The following NFIA variants were observed in gnomAD, a reference collection of about 807,000 sequenced individuals.
NFIA encodes nuclear factor 1 A-type.
Under a neutral mutation model 62.8 loss-of-function variants are expected in NFIA, and 8 were observed. That is an observed-to-expected ratio of 0.13 (90% CI 0.07 to 0.23). The LOEUF is 0.23. NFIA is among the 10% of genes least tolerant of loss of function. The pLI is 1.00. For synonymous variants in NFIA, 235 were observed against 238.1 expected, an observed-to-expected ratio of 0.99 and a Z score of 0.12; for missense variants, 410 against 642.1, an observed-to-expected ratio of 0.64 and a Z score of 3.91.
Position 61,082,783 on chromosome 1 carries a change from C to T in NFIA, c.-9C>T. On this transcript the variant is annotated 5_prime_UTR_variant, in exon 1 of 11. Coordinates refer to ENST00000403491, the MANE Select transcript of NFIA (RefSeq NM_001134673.4). ...CAGACGCACACGCATACCCCAGCGC[C>T]CGGCAGTTATGTATTCTCCGCTCTG... 1 of 1,552,922 alleles carries T rather than the reference C, an allele frequency of 6.4e-7. No homozygotes were observed. The highest frequency in any genetic ancestry group is 8.7e-7 in the Non-Finnish European group (1 of 1,147,674).
intron 2 of NFIA, among the ~76,000 whole-genome samples, chr1:61,169,801 T>G (rs187453665): frequency 1.6e-4 from 24 of 152,316 alleles, no homozygotes; most frequent in African/African-American, 4.3e-4. Context: ...GTGTTCTCTG[T>G]GAATCCTGGC....
upstream of NFIA, among the ~76,000 whole-genome samples, chr1:61,081,427 G>C (rs1401224584): frequency 6.6e-6 from 1 of 152,082 alleles, no homozygotes; most frequent in Non-Finnish European, 1.5e-5. Flanking sequence ...TTCTTAAAAG[G>C]CACCCTTCCA....
intron 6 of NFIA, among the ~76,000 whole-genome samples, chr1:61,363,968 A>G (rs1275622423): frequency 4.1e-5 from 6 of 145,126 alleles, no homozygotes; most frequent in Non-Finnish European, 9.0e-5. Flanking sequence ...TTTTTCTGAG[A>G]CAGAGTCTTG....
chr1:61,117,509 G>GAA (rs11455772), intron 2 of NFIA, among the ~76,000 whole-genome samples: 37 of 151,030 alleles, frequency 2.4e-4, no homozygotes, highest in Non-Finnish European at 3.5e-4. Flanking sequence ...TTAAGAACAG[G>GAA]AAAAAAAAAT....
At chr1:61,392,123 C>T (rs1159846443) in intron 7 of NFIA, among the ~76,000 whole-genome samples, 2 of 152,086 alleles carry the variant, frequency 1.3e-5, no homozygotes, top group African/African-American at 4.8e-5. Context: ...TTGTGAGCCT[C>T]GTTCAGGGTT....
At chr1:61,082,873 C>CTGGGGCTGGG in intron 1 of NFIA, 55 bp downstream of exon 1, 3 of 929,832 alleles carry the variant, frequency 3.2e-6, no homozygotes, top group Non-Finnish European at 4.8e-6. Context: ...GGGGGCAGGG[C>CTGGGGCTGGG]TGGGGCTGGG....
intron 7 of NFIA, among the ~76,000 whole-genome samples, chr1:61,390,085 G>T (rs1664894475): frequency 6.6e-6 from 1 of 152,188 alleles, no homozygotes; most frequent in African/African-American, 2.4e-5. Flanking sequence ...TGCTGTGCTA[G>T]AAGCACAGGG....
chr1:61,120,692 GT>G (rs1334494518), intron 2 of NFIA, among the ~76,000 whole-genome samples: 1 of 152,184 alleles, frequency 6.6e-6, no homozygotes, highest in African/African-American at 2.4e-5. Context: ...GCCTTCTACA[GT>G]TTGCATTTTG....
intron 3 of NFIA, among the ~76,000 whole-genome samples, chr1:61,295,186 A>G (rs140300268): frequency 2.6e-5 from 4 of 152,304 alleles, no homozygotes; most frequent in African/African-American, 9.6e-5. Flanking sequence ...TCTGACAGAA[A>G]ATTGTATACG....
chr1:61,167,300 T>A (rs2100544534), intron 2 of NFIA, among the ~76,000 whole-genome samples: 1 of 152,320 alleles, frequency 6.6e-6, no homozygotes. Context: ...ATTTGGAGTA[T>A]GTTTTGGAAA....
intron 2 of NFIA, among the ~76,000 whole-genome samples, chr1:61,165,640 G>A (rs548648538): frequency 6.6e-6 from 1 of 152,154 alleles, no homozygotes; most frequent in Non-Finnish European, 1.5e-5. Flanking sequence ...ACAAATTCAG[G>A]AAGTCATCAC....
chr1:61,402,913 G>C (rs981318757), intron 7 of NFIA, among the ~76,000 whole-genome samples: 2 of 152,144 alleles, frequency 1.3e-5, no homozygotes, highest in Non-Finnish European at 2.9e-5. Flanking sequence ...TCCCGGTAGG[G>C]AACAAAGAAC....
chr1:61,191,771 T>A (rs923006995), intron 2 of NFIA, among the ~76,000 whole-genome samples: 2 of 152,162 alleles, frequency 1.3e-5, no homozygotes, highest in African/African-American at 4.8e-5. Context: ...GATCTGCTTT[T>A]TTCCCCCCAC....
At chr1:61,203,841 G>A (rs769202427) in intron 2 of NFIA, among the ~76,000 whole-genome samples, 48 of 152,248 alleles carry the variant, frequency 3.2e-4, no homozygotes, top group Admixed American at 9.2e-4. Context: ...AGTAGGAGCC[G>A]GCCTTTGAGT....
At chr1:61,331,855 C>T (rs1179692035) in intron 3 of NFIA, among the ~76,000 whole-genome samples, 9 of 152,080 alleles carry the variant, frequency 5.9e-5, no homozygotes, top group African/African-American at 1.4e-4. Context: ...AAACAAAGTT[C>T]GAAGATTAAT....
At chr1:61,315,386 T>A (rs1223977526) in intron 3 of NFIA, among the ~76,000 whole-genome samples, 1 of 152,214 alleles carries the variant, frequency 6.6e-6, no homozygotes, top group East Asian at 1.9e-4. Flanking sequence ...ACATATATGT[T>A]TGTGTATACA....
chr1:61,198,524 G>A (rs762292290), intron 2 of NFIA, among the ~76,000 whole-genome samples: 2 of 152,194 alleles, frequency 1.3e-5, no homozygotes, highest in Non-Finnish European at 2.9e-5. Context: ...TGGCTGTATT[G>A]TTTTGAATGT....
chr1:61,235,288 C>G (rs1353192261), intron 2 of NFIA, among the ~76,000 whole-genome samples: 1 of 151,832 alleles, frequency 6.6e-6, no homozygotes, highest in East Asian at 1.9e-4. Flanking sequence ...CGGTGAAACC[C>G]CGTCTCTACT....
intron 3 of NFIA, among the ~76,000 whole-genome samples, chr1:61,293,499 T>C (rs553159506): frequency 6.6e-6 from 1 of 152,342 alleles, no homozygotes; most frequent in Non-Finnish European, 1.5e-5. Flanking sequence ...TGTTGAATTC[T>C]TGGATGGCCA....
Sources: allele counts gnomAD v4.1 joint callset (sites outside exome capture counted in the v4.1 genomes callset), GRCh38; gene constraint gnomAD v4.1.1; transcripts MANE v1.5; gene names NCBI Gene and HGNC (gene_info 2026-07-23, HGNC 2026-07-21).